Variants in CDH18 observed in about 807,000 individuals in gnomAD.
CDH18 encodes the protein cadherin-18.
Under a neutral mutation model 67.9 loss-of-function variants are expected in CDH18, and 31 were observed. That is an observed-to-expected ratio of 0.46 (90% CI 0.34 to 0.62). The LOEUF is 0.62. Among genes scored for constraint, CDH18 ranks in the 20% least tolerant of loss-of-function variants. The pLI is 0.01. For synonymous variants in CDH18, 362 were observed against 347.2 expected, an observed-to-expected ratio of 1.04 and a Z score of -0.48; for missense variants, 890 against 975.5, an observed-to-expected ratio of 0.91 and a Z score of 1.17.
intron 2 of CDH18, among the ~76,000 whole-genome samples, chr5:20,101,996 G>A (rs1403268071): frequency 2.0e-5 from 3 of 152,164 alleles, no homozygotes; most frequent in African/African-American, 2.4e-5. Context: ...GCTTGAACCC[G>A]GGAGGCAGAG....
chr5:19,633,568 G>A (rs1752702127), intron 5 of CDH18, among the ~76,000 whole-genome samples: 2 of 152,060 alleles, frequency 1.3e-5, no homozygotes, highest in South Asian at 4.2e-4. Context: ...GGAAGGGGAA[G>A]TGTCTCTCCT....
At chr5:20,381,810 A>C (rs1400284517) in intron 1 of CDH18, among the ~76,000 whole-genome samples, 1 of 152,160 alleles carries the variant, frequency 6.6e-6, no homozygotes, top group Non-Finnish European at 1.5e-5. Flanking sequence ...TAACTAAAGG[A>C]GAATGGCTTG....
At chr5:19,940,552 T>C (rs958865774) in intron 2 of CDH18, among the ~76,000 whole-genome samples, 3 of 152,116 alleles carry the variant, frequency 2.0e-5, no homozygotes, top group Non-Finnish European at 2.9e-5. Context: ...GCATAAATCA[T>C]CATTTGTGTC....
intron 2 of CDH18, among the ~76,000 whole-genome samples, chr5:20,110,905 A>C (rs1747403145): frequency 6.6e-6 from 1 of 152,180 alleles, no homozygotes; most frequent in South Asian, 2.1e-4. Flanking sequence ...ACTTCCTTGG[A>C]ATAAGAGCCT....
intron 2 of CDH18, among the ~76,000 whole-genome samples, chr5:20,169,558 G>C: frequency 6.6e-6 from 1 of 152,132 alleles, no homozygotes; most frequent in African/African-American, 2.4e-5. Flanking sequence ...CCTTTGAACC[G>C]TAAAAGCCAA....
At chr5:20,134,586 C>T (rs189337467) in intron 2 of CDH18, among the ~76,000 whole-genome samples, 3 of 152,216 alleles carry the variant, frequency 2.0e-5, no homozygotes, top group East Asian at 1.9e-4. Flanking sequence ...TGGTCCCTTC[C>T]GTGACATGTG....
chr5:19,516,400 A>T (rs1331456750), intron 10 of CDH18, among the ~76,000 whole-genome samples: 2 of 152,056 alleles, frequency 1.3e-5, no homozygotes, highest in African/African-American at 2.4e-5. Flanking sequence ...TTTTCTATTG[A>T]TTGGAATAGT....
chr5:19,961,594 T>C (rs183491686), intron 2 of CDH18, among the ~76,000 whole-genome samples: 8 of 152,270 alleles, frequency 5.3e-5, no homozygotes, highest in Admixed American at 3.3e-4. Context: ...TTGTTTCACA[T>C]TGAAAATTAG....
At chr5:19,901,598 T>C (rs923990902) in intron 2 of CDH18, among the ~76,000 whole-genome samples, 8 of 152,112 alleles carry the variant, frequency 5.3e-5, no homozygotes, top group African/African-American at 1.9e-4. Context: ...CTTAGAAATA[T>C]ATTTAATAAT....
intron 2 of CDH18, among the ~76,000 whole-genome samples, chr5:20,102,026 G>A (rs1268975461): frequency 2.0e-5 from 3 of 152,056 alleles, no homozygotes; most frequent in Admixed American, 2.0e-4. Context: ...AGCTGAGATC[G>A]CGCCACTGTA....
intron 2 of CDH18, among the ~76,000 whole-genome samples, chr5:19,967,286 T>A (rs570548319): frequency 6.6e-6 from 1 of 152,214 alleles, no homozygotes; most frequent in Admixed American, 6.5e-5. Flanking sequence ...TATTCAATAT[T>A]ATTTTAGACT....
intron 8 of CDH18, among the ~76,000 whole-genome samples, chr5:19,555,715 C>A (rs1738280410): frequency 6.6e-6 from 1 of 152,156 alleles, no homozygotes; most frequent in Non-Finnish European, 1.5e-5. Context: ...AGTACATAAT[C>A]TCTTGGGAGC....
intron 2 of CDH18, among the ~76,000 whole-genome samples, chr5:20,032,935 T>A (rs1171281862): frequency 1.3e-5 from 2 of 152,030 alleles, no homozygotes; most frequent in African/African-American, 4.8e-5. Flanking sequence ...TTACTCTTAA[T>A]TTTGAGGCAT....
intron 3 of CDH18, among the ~76,000 whole-genome samples, chr5:19,757,198 T>C (rs1387720372): frequency 2.0e-5 from 3 of 152,196 alleles, no homozygotes; most frequent in Non-Finnish European, 2.9e-5. Context: ...CATGAGTCCA[T>C]GGATGGTAGT....
At chr5:20,316,344 G>A (rs573066410) in intron 1 of CDH18, among the ~76,000 whole-genome samples, 59 of 152,102 alleles carry the variant, frequency 3.9e-4, no homozygotes, top group African/African-American at 1.3e-3. Flanking sequence ...TGAAATTTAA[G>A]ATCTCTTATT....
chr5:19,755,701 C>A (rs1238945490), intron 3 of CDH18, among the ~76,000 whole-genome samples: 1 of 151,118 alleles, frequency 6.6e-6, no homozygotes, highest in Non-Finnish European at 1.5e-5. Context: ...TTTCTGCAAG[C>A]TGAGGAGCAA....
chr5:19,858,551 T>C (rs1050933822), intron 2 of CDH18, among the ~76,000 whole-genome samples: 5 of 152,218 alleles, frequency 3.3e-5, no homozygotes, highest in Admixed American at 1.3e-4. Flanking sequence ...ATGGGTATTG[T>C]ATTAGGAATC....
intron 1 of CDH18, among the ~76,000 whole-genome samples, chr5:20,550,744 G>C (rs1309723392): frequency 6.6e-6 from 1 of 152,160 alleles, no homozygotes; most frequent in Non-Finnish European, 1.5e-5. Context: ...ATTTAGTGTT[G>C]CTATGAAGAA....
intron 1 of CDH18, among the ~76,000 whole-genome samples, chr5:20,423,737 A>G (rs1471046483): frequency 6.6e-6 from 1 of 150,446 alleles, no homozygotes; most frequent in Non-Finnish European, 1.5e-5. Context: ...CGAGGTCAGA[A>G]GATCGAGACC....
Sources: allele counts gnomAD v4.1 joint callset (sites outside exome capture counted in the v4.1 genomes callset), GRCh38; gene constraint gnomAD v4.1.1; transcripts MANE v1.5; gene names NCBI Gene and HGNC (gene_info 2026-07-23, HGNC 2026-07-21).